SIGLEC9: variants seen among roughly 807,000 people sequenced by gnomAD.
SIGLEC9 encodes sialic acid binding Ig like lectin 9.
SIGLEC9 carries 26 observed loss-of-function variants against 38.3 expected under a neutral mutation model. That is an observed-to-expected ratio of 0.68 (90% CI 0.50 to 0.94). The LOEUF (loss-of-function observed/expected upper bound fraction) is 0.94, where lower values mean the gene tolerates loss of function less well. SIGLEC9 is among the 40% of genes least tolerant of loss of function. The pLI is 0.00. For synonymous variants in SIGLEC9, 236 were observed against 248.0 expected, an observed-to-expected ratio of 0.95 and a Z score of 0.45; for missense variants, 556 against 585.7, an observed-to-expected ratio of 0.95 and a Z score of 0.52.
At chr19:51,134,093 G>A (rs2092030445), downstream of SIGLEC9, among the ~76,000 whole-genome samples, 1 of 149,604 alleles carries the variant, frequency 6.7e-6, no homozygotes, top group African/African-American at 2.4e-5. Context: ...GGATTAACGT[G>A]AATGGCACAC....
downstream of SIGLEC9, among the ~76,000 whole-genome samples, chr19:51,135,058 A>T (rs2092035358): frequency 6.6e-6 from 1 of 152,212 alleles, no homozygotes; most frequent in African/African-American, 2.4e-5. Context: ...AGCCAGCGAA[A>T]GCATTATTGA....
intron 3 of SIGLEC9, among the ~76,000 whole-genome samples, chr19:51,126,634 C>T (rs1188656832): frequency 2.0e-5 from 3 of 152,126 alleles, no homozygotes; most frequent in Non-Finnish European, 2.9e-5. Context: ...TGAGACTGTC[C>T]GCACCCTCCT....
upstream of SIGLEC9, among the ~76,000 whole-genome samples, chr19:51,122,188 G>T (rs2091951414): frequency 6.6e-6 from 1 of 152,170 alleles, no homozygotes. The surrounding 1 kb of genome is among the most constrained non-coding windows in gnomAD (Gnocchi z 4.1). Context: ...ATGCCTGTCT[G>T]TCTTGCGTCA....
chr19:51,129,350 G>A (rs536304467), intron 6 of SIGLEC9, among the ~76,000 whole-genome samples: 34 of 151,420 alleles, frequency 2.2e-4, no homozygotes, highest in Non-Finnish European at 3.8e-4. Flanking sequence ...TAGTAGAGAC[G>A]GGGTTTCACT....
intron 4 of SIGLEC9, among the ~76,000 whole-genome samples, chr19:51,127,546 G>A (rs183392705): frequency 1.2e-4 from 19 of 152,162 alleles, no homozygotes; most frequent in African/African-American, 4.6e-4. Flanking sequence ...TGTTTAGGGA[G>A]ACAAGCGCCT....
In SIGLEC9 at chr19:51,130,026, C is replaced by T. The variant is rs141580830; in HGVS notation, c.1339C>T (p.Arg447Trp). The change falls in exon 7 of 7, where the codon CGG (arginine) becomes TGG (tryptophan). Residue 447 changes from arginine (R) to tryptophan (W), a missense_variant. Physicochemically the swap from Arg to Trp is moderately radical, Grantham distance 101. Coordinates refer to ENST00000250360, the MANE Select transcript of SIGLEC9 (RefSeq NM_014441.3). ...SFQMVKPWDS[R>W]GQEATDTEYS... The stretch of plus-strand genomic sequence containing the variant: ...CCAGATGGTGAAGCCTTGGGACTCG[C>T]GGGGACAGGAGGCCACTGACACCGA... 282 of 1,613,670 alleles carry T rather than the reference C, an allele frequency of 1.7e-4. 1 individual carries two copies. The highest frequency in any genetic ancestry group is 9.9e-4 in the Middle Eastern group (6 of 6,082).
intron 3 of SIGLEC9, 48 bp downstream of exon 3, chr19:51,126,176 TC>T: frequency 6.4e-7 from 1 of 1,559,188 alleles, no homozygotes; most frequent in Non-Finnish European, 8.8e-7. Flanking sequence ...GGCCTTCAGG[TC>T]AGGATGGGGC....
chr19:51,125,835 C>G lies in SIGLEC9; in HGVS notation c.660C>G (p.Ala220=), dbSNP rs1374370942. 6.2e-7 allele frequency: 1 copy of G among 1,613,958 alleles called. No individual in the cohort carries two copies. Among genetic ancestry groups the G allele is most frequent in the Non-Finnish European group, 8.5e-7 (1 of 1,180,012 alleles). ...CCTGTCAGGTGACCTTCCCTGGGGC[C>G]AGCGTGACCACGAACAAGACCGTCC... ...SLTCQVTFPG[A]SVTTNKTVHL... The change falls in exon 2 of 7, where the codon GCC becomes GCG. Residue 220 remains alanine, a synonymous_variant. Coordinates refer to ENST00000250360, the MANE Select transcript of SIGLEC9 (RefSeq NM_014441.3).
chr19:51,125,001 C>G lies in SIGLEC9; in HGVS notation c.27C>G (p.Leu9=). 6.2e-7 allele frequency: 1 copy of G among 1,610,344 alleles called. No homozygotes were observed. Among genetic ancestry groups the G allele is most frequent in the African/African-American group, 1.3e-5 (1 of 75,038 alleles). The stretch of plus-strand genomic sequence containing the variant: ...TGCTGCTGCTGCTGCTGCCCCTGCT[C>G]TGGGGGAGGGAGAGGGCGGAAGGAC... MLLLLLPL[L]WGRERAEGQT... is the part of the protein sequence containing the mutation. The change falls in exon 1 of 7, where the codon CTC becomes CTG. Residue 9 remains leucine, a synonymous_variant. Transcript: ENST00000250360.
intron 6 of SIGLEC9, 76 bp downstream of exon 6, chr19:51,128,586 C>A: frequency 1.5e-6 from 2 of 1,309,240 alleles, no homozygotes; most frequent in South Asian, 1.3e-5. Context: ...GACTAATCAG[C>A]TGGGCGTAGC....
chr19:51,125,138 C>A lies in SIGLEC9; in HGVS notation c.164C>A (p.Pro55Gln), dbSNP rs144549146. 1.2e-6 allele frequency: 2 copies of A among 1,614,054 alleles called. No homozygotes were observed. Among genetic ancestry groups the A allele is most frequent in the South Asian group, 2.2e-5 (2 of 91,080 alleles). Reference sequence around the variant, plus strand: ...TCGCATGGCTGGATTTACCCTGGCCCAGTAGTTCATGGCTACTGGTTCCGG... The same window carrying A: ...TCGCATGGCTGGATTTACCCTGGCCAAGTAGTTCATGGCTACTGGTTCCGG... ...YPSHGWIYPGPVVHGYWFREG... is the reference protein window; with the variant it reads ...YPSHGWIYPGQVVHGYWFREG... Residue 55 changes from proline to glutamine, a missense_variant, in exon 1 of 7, where the codon CCA becomes CAA. Pro to Gln is a moderately conservative substitution (Grantham distance 76). Transcript: ENST00000250360.
At chr19:51,125,992 C>T in intron 2 of SIGLEC9, 89 bp from the exon 3 acceptor site, 8 of 1,580,866 alleles carry the variant, frequency 5.1e-6, no homozygotes, top group Non-Finnish European at 7.0e-6. Flanking sequence ...CTGGCTCTGC[C>T]TTCCCTGTTT....
chr19:51,125,896 C>A, intron 2 of SIGLEC9, 21 bp downstream of exon 2: 1 of 1,613,866 alleles, frequency 6.2e-7, no homozygotes, highest in East Asian at 2.2e-5. Context: ...GGCCGGGACG[C>A]CTGGGTCCCT....
downstream of SIGLEC9, among the ~76,000 whole-genome samples, chr19:51,130,520 C>T (rs1040820705): frequency 6.6e-6 from 1 of 152,162 alleles, no homozygotes; most frequent in African/African-American, 2.4e-5. Flanking sequence ...ATGTCTGTGT[C>T]ACTTGCCTGC....
rs780347366 is a variant in SIGLEC9, at chr19:51,128,547, C to T, written c.1203+37C>T. 6 of 1,582,814 alleles carry T rather than the reference C, an allele frequency of 3.8e-6. No individual in the cohort carries two copies. In the South Asian group the frequency reaches 4.4e-5, roughly 12 times the overall value. ...GGACTCTCCACAGCCAGCATGTAGC[C>T]TGGACACCTCCCACAGGATGACCCC... On this transcript the variant is annotated intron_variant, in intron 6 of 6. Transcript: ENST00000250360.
Position 51,125,167 on chromosome 19 carries a change from G to T in SIGLEC9, c.193G>T (p.Gly65Trp). Residue 65 changes from glycine (G) to tryptophan (W), a missense_variant, in exon 1 of 7, where the codon GGG becomes TGG. By Grantham distance (184) the Gly-to-Trp change is radical. Coordinates refer to ENST00000250360, the MANE Select transcript of SIGLEC9 (RefSeq NM_014441.3). ...AGTTCATGGCTACTGGTTCCGGGAAGGGGCCAATACAGACCAGGATGCTCC... is the reference window on the plus strand; with the variant it reads ...AGTTCATGGCTACTGGTTCCGGGAATGGGCCAATACAGACCAGGATGCTCC... ...PVVHGYWFRE[G>W]ANTDQDAPVA... 6.2e-7 allele frequency: 1 copy of T among 1,614,104 alleles called. No homozygotes were observed. Among genetic ancestry groups the T allele is most frequent in the Non-Finnish European group, 8.5e-7 (1 of 1,180,008 alleles).
chr19:51,130,103 T>C lies in SIGLEC9; in HGVS notation c.*24T>C, dbSNP rs1046403887. The C allele has an allele frequency of 1.1e-5, 18 of 1,584,162 alleles. No individual in the cohort carries two copies. The highest frequency in any genetic ancestry group is 1.5e-5 in the Non-Finnish European group (18 of 1,163,528). ...GAGAAACTGCAGAGACTCACCCTGATTGAGGGATCACAGCCCCTCCAGGCA... is the reference window on the plus strand; with the variant it reads ...GAGAAACTGCAGAGACTCACCCTGACTGAGGGATCACAGCCCCTCCAGGCA... On this transcript the variant is annotated 3_prime_UTR_variant, in exon 7 of 7. Transcript: ENST00000250360.
Position 51,127,122 on chromosome 19 carries a change from C to T in SIGLEC9, c.841C>T (p.Pro281Ser). ...TGCAGTTGATGCAGTTGACAGCAAT[C>T]CCCCTGCCAGGCTGAGCCTGAGCTG... The part of the protein sequence containing the change: ...VCAVDAVDSN[P>S]PARLSLSWRG... The change falls in exon 4 of 7, where the codon CCC becomes TCC. Residue 281 changes from proline (P) to serine (S), a missense_variant. By Grantham distance (74) the Pro-to-Ser change is moderately conservative (BLOSUM62 -1). Coordinates refer to ENST00000250360, the MANE Select transcript of SIGLEC9 (RefSeq NM_014441.3). The T allele has an allele frequency of 6.2e-7, 1 of 1,614,062 alleles. No individual in the cohort carries two copies. The highest frequency in any genetic ancestry group is 8.5e-7 in the Non-Finnish European group (1 of 1,179,856).
intron 4 of SIGLEC9, among the ~76,000 whole-genome samples, 164 bp downstream of exon 4, chr19:51,127,460 C>T (rs1307641241): frequency 6.6e-6 from 1 of 152,164 alleles, no homozygotes; most frequent in East Asian, 1.9e-4. Context: ...TGTCCTCTTC[C>T]TGCCAGGGAA....
Sources: gnomAD v4.1 joint callset for allele counts (sites outside exome capture counted in the v4.1 genomes callset) on GRCh38, gnomAD v4.1.1 for gene constraint, Gnocchi (gnomAD v3.1) non-coding constraint, MANE v1.5 for transcripts, NCBI Gene and HGNC (gene_info 2026-07-23, HGNC 2026-07-21) for gene names.